GMEB1: variants seen among roughly 807,000 people sequenced by gnomAD.
GMEB1 encodes the protein glucocorticoid modulatory element-binding protein 1.
GMEB1 carries 6 observed loss-of-function variants against 52.4 expected under a neutral mutation model. The observed-to-expected ratio is 0.11, with a 90% CI of 0.06 to 0.23. The LOEUF (loss-of-function observed/expected upper bound fraction) is 0.23, where lower values mean the gene tolerates loss of function less well. GMEB1 is among the 10% of genes least tolerant of loss of function. The pLI, the probability that GMEB1 is intolerant of heterozygous loss-of-function variation, is 1.00. For missense variants in GMEB1, 486 were observed against 685.6 expected (o/e 0.71, Z 3.25); for synonymous variants, 255 against 244.9 (o/e 1.04, Z -0.38).
intron 8 of GMEB1, among the ~76,000 whole-genome samples, chr1:28,705,816 A>C (rs890378668): frequency 6.6e-6 from 1 of 151,946 alleles, no homozygotes; most frequent in South Asian, 2.1e-4. Flanking sequence ...GTGTATGTAT[A>C]GAGAAAGAGT....
intron 8 of GMEB1, among the ~76,000 whole-genome samples, chr1:28,705,611 A>C (rs1670715806): frequency 6.6e-6 from 1 of 151,178 alleles, no homozygotes; most frequent in African/African-American, 2.4e-5. Context: ...CACCACACCC[A>C]GCTAATTTTT....
chr1:28,683,751 A>G lies in GMEB1; in HGVS notation c.128+11A>G, dbSNP rs1669503596. 1 of 1,611,998 alleles carries G rather than the reference A, an allele frequency of 6.2e-7. No homozygotes were observed. On this transcript the variant is annotated intron_variant, in intron 2 of 9. Transcript: ENST00000373816. Reference sequence around the variant, plus strand: ...GCCTGTGCAACAAGGGTAAGTGGCTAGAGATTTGGGTATTCTGAAGTATTT... The same window carrying G: ...GCCTGTGCAACAAGGGTAAGTGGCTGGAGATTTGGGTATTCTGAAGTATTT...
intron 7 of GMEB1, among the ~76,000 whole-genome samples, chr1:28,703,476 A>G (rs1464788351): frequency 6.6e-6 from 1 of 152,026 alleles, no homozygotes; most frequent in Admixed American, 6.6e-5. Context: ...AGCCTGACCA[A>G]CATGGAGAAA....
In GMEB1 at chr1:28,718,823, A is replaced by C. The variant is rs966893290; in HGVS notation, c.*4050A>C. 2 of 152,188 alleles carry C rather than the reference A, an allele frequency of 1.3e-5. No homozygotes were observed. The highest frequency in any genetic ancestry group is 2.9e-5 in the Non-Finnish European group (2 of 68,046). 9.4% of individuals were successfully genotyped at this position (152,188 alleles called of 1,614,324 possible). On this transcript the variant is annotated 3_prime_UTR_variant, in exon 10 of 10. Transcript: ENST00000373816. ...CTAGGAGCTGAGAGAACAAAGCATG[A>C]AGTGCCTAACCCAGCTTAGCGGTGT... is the stretch of plus-strand genomic sequence containing the variant.
intron 2 of GMEB1, among the ~76,000 whole-genome samples, 184 bp downstream of exon 2, chr1:28,683,924 A>G (rs951540416): frequency 2.0e-5 from 3 of 152,158 alleles, no homozygotes; most frequent in African/African-American, 7.2e-5. Flanking sequence ...TATTACCAAC[A>G]GTTACTTGTT....
chr1:28,674,816 T>A (rs1422123678), intron 1 of GMEB1, among the ~76,000 whole-genome samples: 1 of 137,568 alleles, frequency 7.3e-6, no homozygotes, highest in Non-Finnish European at 1.5e-5. Flanking sequence ...CCTCCCGGGT[T>A]CACGCCATTC....
intron 2 of GMEB1, among the ~76,000 whole-genome samples, chr1:28,689,248 A>G (rs1669840823): frequency 6.6e-6 from 1 of 151,700 alleles, no homozygotes; most frequent in Non-Finnish European, 1.5e-5. Context: ...CTGGTCTCGA[A>G]CTCCTGACCT....
chr1:28,706,439 TA>T (rs1002462396), intron 8 of GMEB1, among the ~76,000 whole-genome samples: 6 of 151,602 alleles, frequency 4.0e-5, no homozygotes, highest in African/African-American at 1.2e-4. Context: ...ACCCTGTCTC[TA>T]CAAAAATACA....
chr1:28,673,179 C>A (rs1489323910), intron 1 of GMEB1, among the ~76,000 whole-genome samples: 3 of 152,136 alleles, frequency 2.0e-5, no homozygotes, highest in African/African-American at 7.2e-5. Context: ...CAGGTGTGAG[C>A]CACTGCGCCC....
chr1:28,713,268 A>G (rs1203323799), intron 9 of GMEB1, among the ~76,000 whole-genome samples: 1 of 152,184 alleles, frequency 6.6e-6, no homozygotes, highest in Non-Finnish European at 1.5e-5. Flanking sequence ...TTATATCACA[A>G]TATCACACAT....
chr1:28,676,543 C>T lies in GMEB1; in HGVS notation c.-30-7040C>T, dbSNP rs529248296. Among the ~76,000 whole-genome samples, 92 of 152,064 alleles carry T rather than the reference C, an allele frequency of 6.1e-4. 1 individual carries two copies. The highest frequency in any genetic ancestry group is 9.7e-4 in the Non-Finnish European group (66 of 67,998). ...GAGATCGAGACCATCCTGACTAACA[C>T]GGTGAAACCCTGTCTCTACTAAAAA... On this transcript the variant is annotated intron_variant, in intron 1 of 9. Coordinates refer to ENST00000373816, the MANE Select transcript of GMEB1 (RefSeq NM_001319674.2).
Position 28,718,834 on chromosome 1 carries a change from CCAGCT to C in GMEB1, c.*4062_*4066del, listed in dbSNP as rs1415763323. 2 of 152,110 alleles carry C rather than the reference CCAGCT, an allele frequency of 1.3e-5. No homozygotes were observed. Among genetic ancestry groups the C allele is most frequent in the Admixed American group, 1.3e-4 (2 of 15,250 alleles). 9.4% of individuals were successfully genotyped at this position (152,110 alleles called of 1,614,324 possible). A position where few individuals can be genotyped will look rare whatever the true frequency, so the allele number is the denominator to read the frequency against. The stretch of plus-strand genomic sequence containing the variant: ...GAGAACAAAGCATGAAGTGCCTAAC[CCAGCT>C]TAGCGGTGTAGAGGTGGGGTCAGCA... On this transcript the variant is annotated 3_prime_UTR_variant, in exon 10 of 10. Coordinates refer to ENST00000373816, the MANE Select transcript of GMEB1 (RefSeq NM_001319674.2).
At chr1:28,690,526 A>C (rs1390640994) in intron 3 of GMEB1, among the ~76,000 whole-genome samples, 2 of 152,170 alleles carry the variant, frequency 1.3e-5, no homozygotes, top group East Asian at 1.9e-4. Flanking sequence ...ATTGTCTAGA[A>C]GGCAGTCAGT....
rs79953103 is a variant in GMEB1 at position 28,690,360 on chromosome 1, C to T, written c.211+174C>T. On this transcript the variant is annotated intron_variant, in intron 3 of 9. Transcript: ENST00000373816. Reference sequence around the variant, plus strand: ...TTGATGGTGGTACATCTTGAGACACCACTGACTAAGATGCTAGGGTCGTCA... The same window carrying T: ...TTGATGGTGGTACATCTTGAGACACTACTGACTAAGATGCTAGGGTCGTCA... Among the ~76,000 whole-genome samples the T allele has an allele frequency of 3.6e-3, 550 of 152,006 alleles. 3 individuals are homozygous for T. The highest frequency in any genetic ancestry group is 0.012 in the African/African-American group (497 of 41,460).
intron 1 of GMEB1, among the ~76,000 whole-genome samples, chr1:28,675,692 A>G (rs907814400): frequency 5.9e-5 from 9 of 151,874 alleles, no homozygotes; most frequent in African/African-American, 9.7e-5. Flanking sequence ...AAAAAAAAAA[A>G]AAAGAAAAGA....
chr1:28,713,573 T>C (rs541822163), intron 9 of GMEB1, among the ~76,000 whole-genome samples: 1 of 152,366 alleles, frequency 6.6e-6, no homozygotes, highest in East Asian at 1.9e-4. Flanking sequence ...TAGGGACTTC[T>C]TCTATAACTT....
At chr1:28,677,508 AT>A (rs2124462084) in intron 1 of GMEB1, among the ~76,000 whole-genome samples, 1 of 152,282 alleles carries the variant, frequency 6.6e-6, no homozygotes, top group African/African-American at 2.4e-5. Context: ...ATAATCTGTA[AT>A]TTTTGAAAAT....
At chr1:28,685,120 G>A (rs1669577786) in intron 2 of GMEB1, among the ~76,000 whole-genome samples, 4 of 152,072 alleles carry the variant, frequency 2.6e-5, no homozygotes, top group Admixed American at 2.6e-4. Context: ...GAACCCCCAT[G>A]GAGGGGAAAT....
At chr1:28,703,987 C>T (rs532040403) in intron 7 of GMEB1, among the ~76,000 whole-genome samples, 2 of 151,936 alleles carry the variant, frequency 1.3e-5, no homozygotes, top group South Asian at 4.2e-4. Flanking sequence ...TCATCCCAAG[C>T]ACCTATGCTG....
Sources: allele counts gnomAD v4.1 joint callset (sites outside exome capture counted in the v4.1 genomes callset), GRCh38; gene constraint gnomAD v4.1.1; transcripts MANE v1.5; gene names NCBI Gene and HGNC (gene_info 2026-07-23, HGNC 2026-07-21).